The following NKAIN2 variants were observed in gnomAD, a reference collection of about 807,000 sequenced individuals.
The protein encoded by NKAIN2 is sodium/potassium-transporting ATPase subunit beta-1-interacting protein 2.
NKAIN2 carries 14 observed loss-of-function variants against 32.6 expected under a neutral mutation model. That is an observed-to-expected ratio of 0.43 (90% CI 0.28 to 0.67). The LOEUF (loss-of-function observed/expected upper bound fraction) is 0.67, where lower values mean the gene tolerates loss of function less well. NKAIN2 is among the 30% of genes least tolerant of loss of function. NKAIN2 has a pLI of 0.17. For synonymous variants in NKAIN2, 80 were observed against 87.2 expected (o/e 0.92, Z 0.46); for missense variants, 198 against 258.3 (o/e 0.77, Z 1.60).
chr6:124,035,101 A>C (rs1345006517), intron 1 of NKAIN2, among the ~76,000 whole-genome samples: 1 of 152,124 alleles, frequency 6.6e-6, no homozygotes, highest in Non-Finnish European at 1.5e-5. Context: ...TAATTATTTT[A>C]GTATACAGAA....
At chr6:124,604,164 C>T (rs1364357788) in intron 3 of NKAIN2, among the ~76,000 whole-genome samples, 1 of 151,928 alleles carries the variant, frequency 6.6e-6, no homozygotes, top group African/African-American at 2.4e-5. Context: ...CTAACACATA[C>T]CCACTGAGTT....
intron 1 of NKAIN2, among the ~76,000 whole-genome samples, chr6:123,845,229 C>A (rs1405500145): frequency 6.6e-6 from 1 of 152,230 alleles, no homozygotes; most frequent in Non-Finnish European, 1.5e-5. Flanking sequence ...GTGATATCTT[C>A]TATGGCAAAG....
chr6:124,185,564 A>G (rs899274247), intron 1 of NKAIN2, among the ~76,000 whole-genome samples: 3 of 152,236 alleles, frequency 2.0e-5, no homozygotes, highest in African/African-American at 7.2e-5. Context: ...AATGTCTAAT[A>G]TATATGATTA....
chr6:124,740,582 A>G (rs1777160097), intron 4 of NKAIN2, among the ~76,000 whole-genome samples: 1 of 151,800 alleles, frequency 6.6e-6, no homozygotes, highest in African/African-American at 2.4e-5. Flanking sequence ...TCTCTGATAA[A>G]ATGACATTTG....
intron 1 of NKAIN2, among the ~76,000 whole-genome samples, chr6:124,073,983 G>A (rs1783577748): frequency 6.6e-6 from 1 of 152,272 alleles, no homozygotes. Flanking sequence ...GCAGACATAG[G>A]ATTCAGCATT....
chr6:124,245,838 G>T (rs1177420863), intron 1 of NKAIN2, among the ~76,000 whole-genome samples: 1 of 152,038 alleles, frequency 6.6e-6, no homozygotes, highest in Non-Finnish European at 1.5e-5. Flanking sequence ...CATATTAAGA[G>T]TATGTATGTT....
At chr6:124,472,905 A>C (rs1777034162) in intron 3 of NKAIN2, among the ~76,000 whole-genome samples, 5 of 152,106 alleles carry the variant, frequency 3.3e-5, no homozygotes, top group Admixed American at 3.3e-4. Context: ...ATATATAAAT[A>C]AAATGCATTG....
chr6:124,005,478 A>G (rs1418153226), intron 1 of NKAIN2, among the ~76,000 whole-genome samples: 1 of 152,128 alleles, frequency 6.6e-6, no homozygotes, highest in African/African-American at 2.4e-5. Context: ...TGTATGCCAT[A>G]TGCCATATTA....
At position 124,251,594 on chromosome 6, in the gene NKAIN2, A is replaced by G. The variant is rs147477153; in HGVS notation, c.55-31411A>G. ...AAAATTATTAATAATTATCTCTATA[A>G]ATATTAAAGCTCTTTAGAAGTAAGC... On this transcript the variant is annotated intron_variant, in intron 1 of 6. Coordinates refer to ENST00000368417, the MANE Select transcript of NKAIN2 (RefSeq NM_001040214.3). Among the ~76,000 whole-genome samples the G allele has an allele frequency of 1.2e-3, 188 of 152,146 alleles. 1 individual carries two copies. The highest frequency in any genetic ancestry group is 4.4e-3 in the African/African-American group (181 of 41,560).
At chr6:124,123,865 C>T (rs1786015044) in intron 1 of NKAIN2, among the ~76,000 whole-genome samples, 1 of 151,904 alleles carries the variant, frequency 6.6e-6, no homozygotes, top group South Asian at 2.1e-4. Context: ...AAGTTGATTG[C>T]CTAATCAATG....
At chr6:123,871,707 G>C (rs1399113941) in intron 1 of NKAIN2, among the ~76,000 whole-genome samples, 1 of 151,988 alleles carries the variant, frequency 6.6e-6, no homozygotes, top group Non-Finnish European at 1.5e-5. Context: ...TTCTCCCTAG[G>C]GTTTTGAAGG....
At chr6:123,900,232 G>A (rs1479554166) in intron 1 of NKAIN2, among the ~76,000 whole-genome samples, 1 of 152,116 alleles carries the variant, frequency 6.6e-6, no homozygotes, top group African/African-American at 2.4e-5. Context: ...AGCACTTTGG[G>A]AGGCTGAGGC....
At chr6:124,534,575 A>T (rs1779647417) in intron 3 of NKAIN2, among the ~76,000 whole-genome samples, 1 of 152,244 alleles carries the variant, frequency 6.6e-6, no homozygotes, top group African/African-American at 2.4e-5. Flanking sequence ...AGTATGACAG[A>T]TAGTCGGTTC....
At chr6:124,243,482 A>T (rs919170408) in intron 1 of NKAIN2, among the ~76,000 whole-genome samples, 1 of 151,810 alleles carries the variant, frequency 6.6e-6, no homozygotes, top group Admixed American at 6.6e-5. Context: ...GTGACAGAAC[A>T]AGACCCCGTC....
At chr6:124,096,366 C>T (rs143753124) in intron 1 of NKAIN2, among the ~76,000 whole-genome samples, 25 of 152,252 alleles carry the variant, frequency 1.6e-4, no homozygotes, top group African/African-American at 6.0e-4. Flanking sequence ...ATGGACATCC[C>T]AATACTCTGA....
intron 1 of NKAIN2, among the ~76,000 whole-genome samples, chr6:123,834,210 A>G (rs368907529): frequency 3.9e-5 from 6 of 152,034 alleles, no homozygotes; most frequent in African/African-American, 1.2e-4. Flanking sequence ...GCTGGCGTGC[A>G]ATGACGTGAT....
chr6:123,914,982 C>G (rs1775415735), intron 1 of NKAIN2, among the ~76,000 whole-genome samples: 1 of 152,264 alleles, frequency 6.6e-6, no homozygotes, highest in Non-Finnish European at 1.5e-5. Context: ...TTTACTGAAT[C>G]AAAGTCTCTG....
intron 1 of NKAIN2, among the ~76,000 whole-genome samples, chr6:123,844,275 A>G (rs1265845696): frequency 6.6e-6 from 1 of 152,238 alleles, no homozygotes; most frequent in Non-Finnish European, 1.5e-5. Context: ...AACCAGACGT[A>G]CAGAGCATTT....
intron 5 of NKAIN2, among the ~76,000 whole-genome samples, chr6:124,801,083 C>T (rs1780235143): frequency 6.6e-6 from 1 of 152,152 alleles, no homozygotes; most frequent in African/African-American, 2.4e-5. Flanking sequence ...CCAAACCCGT[C>T]ACCCCGACTG....
Sources: gnomAD v4.1 joint callset for allele counts (sites outside exome capture counted in the v4.1 genomes callset) on GRCh38, gnomAD v4.1.1 for gene constraint, MANE v1.5 for transcripts, NCBI Gene and HGNC (gene_info 2026-07-23, HGNC 2026-07-21) for gene names.